The following EYS variants were observed in gnomAD, a reference collection of about 807,000 sequenced individuals.
The protein encoded by EYS is EGF-like photoreceptor maintenance factor, also known as protein eyes shut homolog.
Under a neutral mutation model 282.1 loss-of-function variants are expected in EYS, and 250 were observed. The ratio of observed to expected loss-of-function variants is 0.89; its 90% CI spans 0.80 to 0.98. The LOEUF is 0.98. Among genes scored for constraint, EYS ranks in the 50% least tolerant of loss-of-function variants. EYS has a pLI of 0.00. For synonymous variants in EYS, 1,355 were observed against 1,282.9 expected, an observed-to-expected ratio of 1.06 and a Z score of -1.20; for missense variants, 4,016 against 3,709.0, an observed-to-expected ratio of 1.08 and a Z score of -2.15.
chr6:64,697,356 C>T (rs928173355), intron 22 of EYS, among the ~76,000 whole-genome samples: 11 of 152,146 alleles, frequency 7.2e-5, no homozygotes, highest in South Asian at 2.1e-4. Context: ...AATACATATG[C>T]ACCCCAAACT....
intron 12 of EYS, among the ~76,000 whole-genome samples, chr6:65,279,261 C>G (rs892373109): frequency 2.0e-5 from 3 of 151,844 alleles, no homozygotes; most frequent in African/African-American, 7.3e-5. Context: ...GCTTAGGGCT[C>G]TCTCTTCCTG....
chr6:64,038,395 T>A (rs1198382704), intron 33 of EYS, among the ~76,000 whole-genome samples: 1 of 152,194 alleles, frequency 6.6e-6, no homozygotes, highest in African/African-American at 2.4e-5. Flanking sequence ...CCATAATGTA[T>A]GTGTACTTCA....
intron 30 of EYS, among the ~76,000 whole-genome samples, chr6:64,246,699 G>A (rs1479154220): frequency 6.6e-6 from 1 of 152,116 alleles, no homozygotes; most frequent in Non-Finnish European, 1.5e-5. Flanking sequence ...GTAGTTGCTA[G>A]AGAAGTATTT....
intron 15 of EYS, among the ~76,000 whole-genome samples, chr6:64,916,350 T>G (rs986109767): frequency 5.3e-5 from 8 of 152,148 alleles, no homozygotes; most frequent in African/African-American, 1.7e-4. Flanking sequence ...GTGGTGTCAT[T>G]CCAAGGATCC....
At chr6:65,012,775 A>C (rs1248320434) in intron 13 of EYS, among the ~76,000 whole-genome samples, 1 of 150,302 alleles carries the variant, frequency 6.7e-6, no homozygotes, top group African/African-American at 2.5e-5. Flanking sequence ...CTGTACCAAA[A>C]TGGAGATGCT....
chr6:63,930,611 G>A (rs1764861377), intron 35 of EYS, among the ~76,000 whole-genome samples: 3 of 152,072 alleles, frequency 2.0e-5, no homozygotes, highest in Admixed American at 6.5e-5. Context: ...ATATAAAAAT[G>A]TAAAGAAGAA....
intron 31 of EYS, among the ~76,000 whole-genome samples, chr6:64,126,466 T>C (rs1773790576): frequency 1.3e-5 from 2 of 152,060 alleles, no homozygotes; most frequent in African/African-American, 2.4e-5. Context: ...GTATCAAATG[T>C]TGTGTTAAAA....
intron 8 of EYS, among the ~76,000 whole-genome samples, chr6:65,383,154 G>T (rs1190982700): frequency 2.0e-5 from 3 of 151,898 alleles, no homozygotes; most frequent in African/African-American, 4.8e-5. Context: ...ATATCAGTAA[G>T]AAGAAAGGAC....
intron 14 of EYS, among the ~76,000 whole-genome samples, chr6:64,995,693 T>C (rs1479501477): frequency 6.8e-6 from 1 of 146,168 alleles, no homozygotes; most frequent in Non-Finnish European, 1.5e-5. Flanking sequence ...TTATCTCTTC[T>C]TCAACTTTGC....
chr6:65,083,867 A>C (rs1774291671), intron 12 of EYS, among the ~76,000 whole-genome samples: 1 of 151,792 alleles, frequency 6.6e-6, no homozygotes, highest in Non-Finnish European at 1.5e-5. Flanking sequence ...TGAAGGTGAT[A>C]ATTTTATAAT....
chr6:65,569,572 C>T (rs952093260), intron 2 of EYS, among the ~76,000 whole-genome samples: 1 of 152,132 alleles, frequency 6.6e-6, no homozygotes, highest in African/African-American at 2.4e-5. Context: ...CCAGGGTTAA[C>T]ACCACTCTCC....
intron 26 of EYS, among the ~76,000 whole-genome samples, chr6:64,446,986 T>TGG (rs71551588): frequency 5.0e-5 from 7 of 138,680 alleles, no homozygotes; most frequent in Non-Finnish European, 1.1e-4. Flanking sequence ...TGTGTGTGTG[T>TGG]GGGGGGGGGG....
chr6:64,548,468 C>T (rs146160119), intron 26 of EYS, among the ~76,000 whole-genome samples: 12 of 152,256 alleles, frequency 7.9e-5, no homozygotes, highest in African/African-American at 2.6e-4. Flanking sequence ...GAAAATGTGA[C>T]ACATATACAC....
chr6:64,046,031 A>G (rs549133780), intron 33 of EYS, among the ~76,000 whole-genome samples: 254 of 147,628 alleles, frequency 1.7e-3, no homozygotes, highest in African/African-American at 5.9e-3. Context: ...TGTATTATAT[A>G]TTTTATATAT....
chr6:64,315,762 C>T (rs1769931259), intron 29 of EYS, among the ~76,000 whole-genome samples: 2 of 151,464 alleles, frequency 1.3e-5, no homozygotes, highest in Admixed American at 1.3e-4. Context: ...GAGACACATA[C>T]ACAAAAAGAA....
At chr6:64,111,106 G>C (rs12215762) in intron 31 of EYS, among the ~76,000 whole-genome samples, 55 of 152,118 alleles carry the variant, frequency 3.6e-4, no homozygotes, top group African/African-American at 1.2e-3. Flanking sequence ...CCAGGAATGA[G>C]AGTGAACATT....
intron 11 of EYS, among the ~76,000 whole-genome samples, chr6:65,318,302 A>G (rs1467780515): frequency 6.6e-6 from 1 of 151,952 alleles, no homozygotes; most frequent in Non-Finnish European, 1.5e-5. Context: ...AGCGACAAAG[A>G]CACAAAGAGA....
chr6:65,103,773 C>T (rs778147447), intron 12 of EYS, among the ~76,000 whole-genome samples: 6 of 151,396 alleles, frequency 4.0e-5, no homozygotes, highest in Non-Finnish European at 7.4e-5. Context: ...TTCCTGCTCA[C>T]TTAATAACCT....
intron 37 of EYS, among the ~76,000 whole-genome samples, chr6:63,790,469 A>T (rs1361060035): frequency 1.3e-5 from 2 of 152,222 alleles, no homozygotes; most frequent in Non-Finnish European, 2.9e-5. Context: ...TAATATATAC[A>T]GTCATGGTTA....
Sources: allele counts gnomAD v4.1 joint callset (sites outside exome capture counted in the v4.1 genomes callset), GRCh38; gene constraint gnomAD v4.1.1; transcripts MANE v1.5; gene names NCBI Gene and HGNC (gene_info 2026-07-23, HGNC 2026-07-21).